Variants in FBXL2 observed in about 807,000 individuals in gnomAD.
The protein encoded by FBXL2 is F-box and leucine rich repeat protein 2.
In FBXL2, 38 loss-of-function variants were observed where a neutral mutation model predicts 69.2. The observed-to-expected ratio is 0.55, with a 90% CI of 0.42 to 0.72. FBXL2 has a LOEUF of 0.72. Ranked by LOEUF, FBXL2 falls within the 30% of genes least tolerant of loss-of-function variation. The pLI is 0.00. For missense variants in FBXL2, 354 were observed against 520.3 expected (o/e 0.68, Z 3.11); for synonymous variants, 192 against 201.3 (o/e 0.95, Z 0.39).
chr3:33,315,564 C>G (rs2037611500), intron 2 of FBXL2, among the ~76,000 whole-genome samples: 1 of 152,044 alleles, frequency 6.6e-6, no homozygotes, highest in African/African-American at 2.4e-5. Context: ...TTGGAGACTG[C>G]TGCCCTAAGG....
At position 33,393,471 on chromosome 3, in the gene FBXL2, AAAAAG is replaced by A. The variant is rs747401582; in HGVS notation, n.1214+7749_1214+7753del. 1.9e-5 allele frequency: 30 copies of A among 1,595,440 alleles called. No homozygotes were observed. In the Admixed American group the frequency reaches 2.9e-4, roughly 15 times the overall value. On this transcript the variant is annotated intron_variant and non_coding_transcript_variant, in intron 12 of 12. Transcript: ENST00000463736. ...CATGATAAACTGAAATTAAAAAAAA[AAAAAG>A]AAAAGCATTTTAACAGTAATCTTTG...
chr3:33,398,663 G>C (rs1160559189), intron 12 of FBXL2, among the ~76,000 whole-genome samples: 1 of 152,204 alleles, frequency 6.6e-6, no homozygotes, highest in Non-Finnish European at 1.5e-5. Context: ...AAGCCCCCAG[G>C]ATAAGGAAAA....
intron 12 of FBXL2, chr3:33,400,834 C>A: frequency 2.3e-6 from 2 of 875,424 alleles, no homozygotes; most frequent in Non-Finnish European, 3.5e-6. Context: ...AATATCCTGA[C>A]TCGATTACCA....
At chr3:33,376,402 T>C (rs2042643947) in intron 10 of FBXL2, among the ~76,000 whole-genome samples, 1 of 152,208 alleles carries the variant, frequency 6.6e-6, no homozygotes, top group African/African-American at 2.4e-5. Context: ...ATATTTCTGC[T>C]TTTACCAATT....
At chr3:33,315,801 T>C (rs1320942287) in intron 2 of FBXL2, among the ~76,000 whole-genome samples, 1 of 152,190 alleles carries the variant, frequency 6.6e-6, no homozygotes, top group African/African-American at 2.4e-5. Flanking sequence ...CTTTCTGGTA[T>C]GTTTTAATCA....
At chr3:33,395,914 G>A (rs920684538) in intron 12 of FBXL2, among the ~76,000 whole-genome samples, 14 of 149,828 alleles carry the variant, frequency 9.3e-5, no homozygotes, top group South Asian at 2.1e-4. Flanking sequence ...AGATATTTCC[G>A]GCATGAAGGG....
intron 2 of FBXL2, among the ~76,000 whole-genome samples, chr3:33,318,621 C>T (rs1375715059): frequency 5.9e-5 from 9 of 152,156 alleles, no homozygotes; most frequent in Non-Finnish European, 1.2e-4. Context: ...ACAGATGTCA[C>T]ATATTTTAGA....
chr3:33,419,158 T>C, the FBXL2 span, among the ~76,000 whole-genome samples: 6 of 152,158 alleles, frequency 3.9e-5, no homozygotes, highest in Admixed American at 6.5e-5. Context: ...AGAGTCACCA[T>C]TTCCTGACCT....
intron 9 of FBXL2, 74 bp downstream of exon 9, chr3:33,373,995 G>T: frequency 7.0e-7 from 1 of 1,432,364 alleles, no homozygotes; most frequent in South Asian, 1.1e-5. Context: ...AGGCCTCCCT[G>T]CAGCCCCCTA....
chr3:33,360,838 C>A (rs764472728), intron 4 of FBXL2, among the ~76,000 whole-genome samples: 1 of 145,778 alleles, frequency 6.9e-6, no homozygotes, highest in Non-Finnish European at 1.5e-5. Context: ...AATACTTACT[C>A]TTTTTCTGTG....
chr3:33,303,818 T>G lies in FBXL2; in HGVS notation c.65+6093T>G, dbSNP rs561592890. 2.0e-5 allele frequency among the ~76,000 whole-genome samples: 3 copies of G among 152,102 alleles called. No individual in the cohort carries two copies. In the East Asian group the frequency reaches 5.8e-4, roughly 29 times the overall value. ...TAGATTGATTTTATTAGAAATACAG[T>G]TTGAAGAGGCCACTAACAAAAGAAG... On this transcript the variant is annotated intron_variant, in intron 2 of 14. Coordinates refer to ENST00000484457, the MANE Select transcript of FBXL2 (RefSeq NM_012157.5).
the FBXL2 span, chr3:33,409,424 A>G: frequency 1.2e-6 from 2 of 1,613,974 alleles, no homozygotes; most frequent in South Asian, 2.2e-5. Flanking sequence ...CCTTAATTAC[A>G]GAAAACCCGG....
intron 1 of FBXL2, among the ~76,000 whole-genome samples, chr3:33,295,994 T>C (rs958921683): frequency 6.6e-6 from 1 of 152,184 alleles, no homozygotes; most frequent in African/African-American, 2.4e-5. Context: ...TTTGCGGATA[T>C]TGTCTCCAAT....
intron 2 of FBXL2, among the ~76,000 whole-genome samples, chr3:33,327,559 CA>C (rs1301397433): frequency 2.0e-5 from 3 of 151,994 alleles, no homozygotes; most frequent in African/African-American, 7.3e-5. Context: ...TGTGTCTAAT[CA>C]AAAGTCAACT....
At chr3:33,384,837 G>A (rs1311476410) in intron 14 of FBXL2, among the ~76,000 whole-genome samples, 2 of 152,038 alleles carry the variant, frequency 1.3e-5, no homozygotes, top group Admixed American at 6.6e-5. Context: ...TCAAGGGTTC[G>A]AGACCAGCTG....
At chr3:33,308,010 G>A (rs906007930) in intron 2 of FBXL2, among the ~76,000 whole-genome samples, 7 of 151,888 alleles carry the variant, frequency 4.6e-5, no homozygotes, top group African/African-American at 1.7e-4. Flanking sequence ...ATCTTAGTAG[G>A]GTTTGTTTGT....
At chr3:33,283,617 G>A (rs1402744218) in intron 1 of FBXL2, among the ~76,000 whole-genome samples, 2 of 152,180 alleles carry the variant, frequency 1.3e-5, no homozygotes, top group East Asian at 3.9e-4. Flanking sequence ...AGTTTCAGAA[G>A]GAATGGTACG....
intron 13 of FBXL2, chr3:33,382,843 A>G (rs2043152911): frequency 6.6e-6 from 1 of 152,176 alleles, no homozygotes; most frequent in Admixed American, 6.5e-5. Context: ...TTCTTTACAT[A>G]ACCTACACAA....
chr3:33,418,132 A>T, the FBXL2 span, among the ~76,000 whole-genome samples: 1 of 152,272 alleles, frequency 6.6e-6, no homozygotes, highest in Non-Finnish European at 1.5e-5. Flanking sequence ...AATGAAGAAT[A>T]TAAAGTTTTG....
Sources: allele counts gnomAD v4.1 joint callset (sites outside exome capture counted in the v4.1 genomes callset), GRCh38; gene constraint gnomAD v4.1.1; transcripts MANE v1.5; gene names NCBI Gene and HGNC (gene_info 2026-07-23, HGNC 2026-07-21).